Variants in IQCK observed in about 807,000 individuals in gnomAD.
The protein encoded by IQCK is IQ domain-containing protein K.
In IQCK, 29 loss-of-function variants were observed where a neutral mutation model predicts 28.1. The observed-to-expected ratio is 1.03, with a 90% CI of 0.77 to 1.41. The LOEUF is 1.41. Among genes scored for constraint, IQCK ranks in the 40% most tolerant of loss-of-function variants. The pLI, the probability that IQCK is intolerant of heterozygous loss-of-function variation, is 0.00. For synonymous variants in IQCK, 113 were observed against 115.1 expected (o/e 0.98, Z 0.12); for missense variants, 359 against 314.7 (o/e 1.14, Z -1.07).
At chr16:19,779,440 T>A (rs2055444317) in intron 6 of IQCK, among the ~76,000 whole-genome samples, 1 of 152,076 alleles carries the variant, frequency 6.6e-6, no homozygotes, top group South Asian at 2.1e-4. Flanking sequence ...AAATAACAGT[T>A]CTCTTTTGAA....
chr16:19,837,935 G>C (rs531073262), intron 9 of IQCK, among the ~76,000 whole-genome samples: 2 of 152,252 alleles, frequency 1.3e-5, no homozygotes, highest in African/African-American at 4.8e-5. Context: ...AGTTTCATTT[G>C]GTCTAAAATT....
intron 9 of IQCK, among the ~76,000 whole-genome samples, chr16:19,836,818 G>T (rs1004166189): frequency 2.0e-5 from 3 of 152,162 alleles, no homozygotes; most frequent in Non-Finnish European, 2.9e-5. Flanking sequence ...GGCTGATGCG[G>T]AATGCTTTTG....
chr16:19,846,036 C>T (rs2056412183), intron 9 of IQCK, among the ~76,000 whole-genome samples: 1 of 152,170 alleles, frequency 6.6e-6, no homozygotes. Flanking sequence ...GAGATCACAT[C>T]ACTGCACTCC....
chr16:19,718,817 C>T (rs1027348122), intron 1 of IQCK, among the ~76,000 whole-genome samples: 1 of 152,144 alleles, frequency 6.6e-6, no homozygotes, highest in African/African-American at 2.4e-5. Context: ...GGGGCGGGGG[C>T]CGGGGTGGGG....
At chr16:19,847,999 G>A (rs917488056) in intron 9 of IQCK, among the ~76,000 whole-genome samples, 2 of 152,116 alleles carry the variant, frequency 1.3e-5, no homozygotes, top group Non-Finnish European at 2.9e-5. Flanking sequence ...TCCTGGATCT[G>A]TTTTTTGACC....
At chr16:19,839,996 CA>C (rs750097265) in intron 9 of IQCK, among the ~76,000 whole-genome samples, 4 of 105,458 alleles carry the variant, frequency 3.8e-5, no homozygotes, top group Admixed American at 2.9e-4. Flanking sequence ...ACCCTGTCTC[CA>C]AAAAAAGAAA....
intron 4 of IQCK, among the ~76,000 whole-genome samples, chr16:19,751,860 T>C (rs2054991237): frequency 6.6e-6 from 1 of 152,262 alleles, no homozygotes; most frequent in African/African-American, 2.4e-5. Flanking sequence ...GAATCTGCAT[T>C]GCCATTGACC....
exon 1 of IQCK, chr16:19,718,444 C>A (rs1203656127): frequency 6.2e-7 from 1 of 1,606,406 alleles, no homozygotes; most frequent in Non-Finnish European, 8.5e-7. Context: ...CGTGGCAGGT[C>A]ACCGAGCCGT....
chr16:19,780,893 C>A (rs959364917), intron 6 of IQCK, among the ~76,000 whole-genome samples: 2 of 152,126 alleles, frequency 1.3e-5, no homozygotes, highest in Admixed American at 6.6e-5. Flanking sequence ...TATTTTGATA[C>A]TTTTATTTCA....
chr16:19,764,590 A>G (rs2055200889), intron 6 of IQCK, among the ~76,000 whole-genome samples: 1 of 152,186 alleles, frequency 6.6e-6, no homozygotes, highest in South Asian at 2.1e-4. Flanking sequence ...TAATCACTTC[A>G]GTCTACAGTG....
chr16:19,775,156 G>A (rs2151721169), intron 6 of IQCK, among the ~76,000 whole-genome samples: 3 of 151,752 alleles, frequency 2.0e-5, no homozygotes, highest in African/African-American at 7.3e-5. Flanking sequence ...GAACCCGGGA[G>A]GTGGAGATTG....
At chr16:19,761,765 A>G (rs965677633) in intron 4 of IQCK, 2 of 214,504 alleles carry the variant, frequency 9.3e-6, no homozygotes, top group Non-Finnish European at 1.9e-5. Flanking sequence ...CTAGGTATCT[A>G]TCCCTTAGGG....
chr16:19,809,262 A>G (rs756366873), intron 7 of IQCK, among the ~76,000 whole-genome samples: 6 of 152,174 alleles, frequency 3.9e-5, no homozygotes, highest in Admixed American at 2.6e-4. Flanking sequence ...AAACCACTCT[A>G]ATATTTAGTG....
intron 6 of IQCK, among the ~76,000 whole-genome samples, chr16:19,770,916 C>T (rs1022463041): frequency 6.6e-6 from 1 of 152,324 alleles, no homozygotes; most frequent in Admixed American, 6.5e-5. Flanking sequence ...AGCCATCTCT[C>T]CTGGCCTCTC....
chr16:19,763,053 C>A (rs994043744), intron 4 of IQCK, among the ~76,000 whole-genome samples: 2 of 152,030 alleles, frequency 1.3e-5, no homozygotes, highest in Non-Finnish European at 2.9e-5. Flanking sequence ...ACTTTTGACT[C>A]CCTCAAAACT....
chr16:19,755,798 T>C (rs2055043952), intron 4 of IQCK, among the ~76,000 whole-genome samples: 1 of 152,168 alleles, frequency 6.6e-6, no homozygotes, highest in Non-Finnish European at 1.5e-5. Flanking sequence ...ATTTTTGGCC[T>C]CTCCCTAATG....
At chr16:19,782,145 C>G (rs1169548723) in intron 6 of IQCK, among the ~76,000 whole-genome samples, 2 of 152,180 alleles carry the variant, frequency 1.3e-5, no homozygotes, top group Non-Finnish European at 2.9e-5. Context: ...GATTGATTTA[C>G]AGCATGTGCC....
intron 4 of IQCK, 48 bp from the exon 5 acceptor site, chr16:19,763,800 A>G (rs1035174185): frequency 7.1e-7 from 1 of 1,400,284 alleles, no homozygotes; most frequent in Non-Finnish European, 1.0e-6. Flanking sequence ...GTTCAAATCC[A>G]TAGTGTTTAA....
At chr16:19,761,181 C>G (rs958347921) in intron 4 of IQCK, 4 of 334,636 alleles carry the variant, frequency 1.2e-5, no homozygotes, top group African/African-American at 6.5e-5. Flanking sequence ...TCATTTTACC[C>G]AGCCCCTATT....
Sources: gnomAD v4.1 joint callset for allele counts (sites outside exome capture counted in the v4.1 genomes callset) on GRCh38, gnomAD v4.1.1 for gene constraint, MANE v1.5 for transcripts, NCBI Gene and HGNC (gene_info 2026-07-23, HGNC 2026-07-21) for gene names.